The following USP49 variants were observed in gnomAD, a reference collection of about 807,000 sequenced individuals.
USP49 encodes the protein ubiquitin specific peptidase 49.
A neutral mutation model predicts 58.6 loss-of-function variants in USP49; 24 were observed. That is an observed-to-expected ratio of 0.41 (90% CI 0.30 to 0.58). USP49 has a LOEUF of 0.58. USP49 is among the 20% of genes least tolerant of loss of function. The pLI is 0.30. For missense variants in USP49, 703 were observed against 866.1 expected (o/e 0.81, Z 2.36); for synonymous variants, 408 against 365.1 (o/e 1.12, Z -1.34).
chr6:41,861,528 C>T (rs537067084), intron 3 of USP49, among the ~76,000 whole-genome samples: 1 of 152,248 alleles, frequency 6.6e-6, no homozygotes, highest in African/African-American at 2.4e-5. Context: ...TCTCCAGTAG[C>T]TTCCCTAGAG....
intron 3 of USP49, among the ~76,000 whole-genome samples, chr6:41,855,587 T>C (rs1442426817): frequency 6.6e-6 from 1 of 152,122 alleles, no homozygotes; most frequent in Non-Finnish European, 1.5e-5. Flanking sequence ...TGCAAAATGG[T>C]TAAGGAATAA....
At chr6:41,832,953 C>T (rs1773660379) in intron 3 of USP49, 1 of 151,676 alleles carries the variant, frequency 6.6e-6, no homozygotes, top group African/African-American at 2.4e-5. Flanking sequence ...ATTTTCTTGG[C>T]TTTGTGCTTG....
chr6:41,831,503 C>T (rs1773634064), intron 3 of USP49, among the ~76,000 whole-genome samples: 1 of 151,216 alleles, frequency 6.6e-6, no homozygotes, highest in Admixed American at 6.6e-5. Flanking sequence ...TTGCTTGAAC[C>T]CAGGAGGCAG....
At chr6:41,797,785 T>C (rs1487700774) in intron 7 of USP49, 2 of 985,758 alleles carry the variant, frequency 2.0e-6, no homozygotes, top group Non-Finnish European at 2.4e-6. Context: ...AAAACAGTAA[T>C]ATTATCAATA....
In USP49 at chr6:41,887,959, A is replaced by G. The variant is rs116484498; in HGVS notation, c.-103+3835T>C. On this transcript the variant is annotated intron_variant, in intron 2 of 7. Transcript: ENST00000682992. ...AAAAATAGCCCATGTCTCCGAAACA[A>G]TAACACATGACTAGAAAGAATGCTT... Among the ~76,000 whole-genome samples the G allele has an allele frequency of 5.4e-3, 824 of 152,274 alleles. 7 individuals carry two copies. The highest frequency in any genetic ancestry group is 0.019 in the African/African-American group (789 of 41,540).
intron 3 of USP49, among the ~76,000 whole-genome samples, chr6:41,848,018 T>C (rs1378919336): frequency 2.6e-5 from 4 of 152,158 alleles, no homozygotes; most frequent in Admixed American, 2.6e-4. Flanking sequence ...AGAGAACATA[T>C]TCAAAGCAGC....
intron 3 of USP49, among the ~76,000 whole-genome samples, chr6:41,847,382 A>T (rs1773941874): frequency 6.6e-6 from 1 of 152,182 alleles, no homozygotes; most frequent in African/African-American, 2.4e-5. Context: ...GAACTGAAAA[A>T]TTTATTAGAG....
In USP49 at chr6:41,881,288, C is replaced by CAAAAAAAAAAAAAAAAAAAAAAAAA. The variant is rs57022965; in HGVS notation, c.-102-9676_-102-9652dup. On this transcript the variant is annotated intron_variant, in intron 2 of 7. Transcript: ENST00000682992. Reference sequence around the variant, plus strand: ...TGTTCAGAAATATGGCATTAAATACCAAAAAAAAAAAAAAAAAAAAAAAAA... The same window carrying CAAAAAAAAAAAAAAAAAAAAAAAAA: ...TGTTCAGAAATATGGCATTAAATACCAAAAAAAAAAAAAAAAAAAAAAAAAAAAAAAAAAAAAAAAAAAAAAAAAA... 3.9e-4 allele frequency among the ~76,000 whole-genome samples: 8 copies of CAAAAAAAAAAAAAAAAAAAAAAAAA among 20,388 alleles called. 1 individual carries two copies. Among genetic ancestry groups the CAAAAAAAAAAAAAAAAAAAAAAAAA allele is most frequent in the African/African-American group, 7.4e-4 (3 of 4,036 alleles). 13.4% of individuals were successfully genotyped at this position (20,388 alleles called of 152,430 possible).
chr6:41,808,797 A>T (rs1222107673), intron 3 of USP49, among the ~76,000 whole-genome samples: 2 of 152,184 alleles, frequency 1.3e-5, no homozygotes, highest in Non-Finnish European at 2.9e-5. Context: ...AAAATTCCTT[A>T]GGCTGGGCAC....
intron 3 of USP49, among the ~76,000 whole-genome samples, chr6:41,848,811 C>T (rs1305705739): frequency 1.3e-5 from 2 of 150,740 alleles, no homozygotes; most frequent in Non-Finnish European, 2.9e-5. Context: ...GCCAAGATCG[C>T]GCCACTGCAC....
In USP49 at chr6:41,798,886, C is replaced by T. The variant is rs575466964; in HGVS notation, c.1714G>A (p.Val572Ile). ...TCCATGGTTAATACCTGGTCAAAGA[C>T]GACATGGACCCCAATCTTCTCTCGA... Reference protein sequence around the residue: ...NHREKIGVHVVFDQVLTMEPY... With the variant: ...NHREKIGVHVIFDQVLTMEPY... Residue 572 changes from valine to isoleucine, a missense_variant, in exon 7 of 8, where the codon GTC (valine) becomes ATC (isoleucine). By Grantham distance (29) the Val-to-Ile change is conservative (BLOSUM62 3). Around this residue, in one of 6 missense-constraint regions of USP49, gnomAD observed 158 missense variants for 241.2 expected, o/e 0.66. Coordinates refer to ENST00000682992, the MANE Select transcript of USP49 (RefSeq NM_001286554.2). The T allele has an allele frequency of 1.5e-5, 24 of 1,613,854 alleles. No individual in the cohort carries two copies. The highest frequency in any genetic ancestry group is 1.7e-4 in the Middle Eastern group (1 of 6,056).
At chr6:41,800,457 A>G (rs1192146800) in intron 5 of USP49, among the ~76,000 whole-genome samples, 2 of 152,218 alleles carry the variant, frequency 1.3e-5, no homozygotes, top group African/African-American at 4.8e-5. Context: ...AAATCTTTCC[A>G]ATTTTTGCCA....
chr6:41,825,775 C>G (rs1773528105), intron 3 of USP49, among the ~76,000 whole-genome samples: 1 of 152,140 alleles, frequency 6.6e-6, no homozygotes, highest in African/African-American at 2.4e-5. Flanking sequence ...TCCCTCAAGA[C>G]AGCCTACCAT....
intron 3 of USP49, among the ~76,000 whole-genome samples, chr6:41,808,430 A>AT (rs1773182730): frequency 1.0e-5 from 1 of 95,728 alleles, no homozygotes; most frequent in Non-Finnish European, 2.0e-5. Flanking sequence ...TTTTTTTTTG[A>AT]GATGGAGTCT....
chr6:41,792,532 C>CG lies in USP49; in HGVS notation c.*4000_*4001insC, dbSNP rs397787679. 1 of 152,010 alleles carries CG rather than the reference C, an allele frequency of 6.6e-6. No individual in the cohort carries two copies. Among genetic ancestry groups the CG allele is most frequent in the East Asian group, 1.9e-4 (1 of 5,180 alleles). The allele number at this position is 152,010 out of a possible 1,614,324, so 9.4% of individuals were successfully genotyped here. ...ATTCATTTAAGAAGGGGTAGCCCCC[C>CG]AGCCTGATTTAAAAAGGCCCAAGTC... is the stretch of plus-strand genomic sequence containing the variant. On this transcript the variant is annotated 3_prime_UTR_variant, in exon 8 of 8. Transcript: ENST00000682992.
intron 2 of USP49, among the ~76,000 whole-genome samples, chr6:41,881,612 T>A (rs1368893940): frequency 6.6e-6 from 1 of 152,126 alleles, no homozygotes; most frequent in Non-Finnish European, 1.5e-5. Flanking sequence ...GTGGCTTTGT[T>A]TGAAAAACAT....
chr6:41,827,512 T>G (rs571579136), intron 3 of USP49, among the ~76,000 whole-genome samples: 1 of 151,860 alleles, frequency 6.6e-6, no homozygotes, highest in African/African-American at 2.4e-5. Flanking sequence ...ATACAAAAAT[T>G]AGCCAGCAGT....
intron 2 of USP49, among the ~76,000 whole-genome samples, chr6:41,872,529 C>T (rs529701891): frequency 5.3e-5 from 8 of 151,280 alleles, no homozygotes; most frequent in Admixed American, 3.3e-4. Context: ...TTTGCATTTT[C>T]GACATTAAAG....
At chr6:41,836,860 C>A (rs1683014820) in intron 3 of USP49, among the ~76,000 whole-genome samples, 1 of 146,246 alleles carries the variant, frequency 6.8e-6, no homozygotes, top group African/African-American at 2.7e-5. Context: ...CACACACGCA[C>A]ACACACACAC....
Sources: allele counts gnomAD v4.1 joint callset (sites outside exome capture counted in the v4.1 genomes callset), GRCh38; gene constraint gnomAD v4.1.1; regional missense constraint gnomAD v4.1.1; transcripts MANE v1.5; gene names NCBI Gene and HGNC (gene_info 2026-07-23, HGNC 2026-07-21).